The following DSC3 variants were observed in gnomAD, a reference collection of about 807,000 sequenced individuals.
The protein encoded by DSC3 is desmocollin-3.
A neutral mutation model predicts 89.5 loss-of-function variants in DSC3; 97 were observed. The observed-to-expected ratio is 1.08, with a 90% CI of 0.92 to 1.28. DSC3 has a LOEUF of 1.28. DSC3 is among the 50% of genes most tolerant of loss of function. The pLI, the probability that DSC3 is intolerant of heterozygous loss-of-function variation, is 0.00. For missense variants in DSC3, 1,199 were observed against 1,085.3 expected (o/e 1.10, Z -1.47); for synonymous variants, 436 against 384.1 (o/e 1.14, Z -1.58).
intron 9 of DSC3, among the ~76,000 whole-genome samples, chr18:31,013,596 G>C (rs1417885499): frequency 6.6e-6 from 1 of 152,082 alleles, no homozygotes; most frequent in African/African-American, 2.4e-5. Context: ...TAGATAAGAA[G>C]AGCAAAACAT....
intron 15 of DSC3, among the ~76,000 whole-genome samples, chr18:30,995,183 C>G (rs1221734815): frequency 6.6e-6 from 1 of 152,186 alleles, no homozygotes; most frequent in Non-Finnish European, 1.5e-5. Flanking sequence ...CACCTGTGTG[C>G]CCACTCCTTG....
chr18:30,994,339 T>C lies in DSC3; in HGVS notation c.2527A>G (p.Met843Val), dbSNP rs756890093. 2 of 1,614,030 alleles carry C rather than the reference T, an allele frequency of 1.2e-6. No individual in the cohort carries two copies. Among genetic ancestry groups the C allele is most frequent in the East Asian group, 2.2e-5 (1 of 44,880 alleles). Residue 843 changes from methionine (M) to valine (V), a missense_variant, in exon 16 of 16, where the codon ATG (methionine) becomes GTG (valine). By Grantham distance (21) the Met-to-Val change is conservative (BLOSUM62 1). Transcript: ENST00000360428. ...LHRCNQNEDR[M>V]PSQDYVLTYN... Reference sequence around the variant, plus strand: ...GTGAGGACATAATCTTGGGATGGCATGCGGTCTTCATTCTGATTACATCGA... The same window carrying C: ...GTGAGGACATAATCTTGGGATGGCACGCGGTCTTCATTCTGATTACATCGA...
intron 1 of DSC3, among the ~76,000 whole-genome samples, chr18:31,036,377 C>CCT (rs1985968787): frequency 6.6e-6 from 1 of 152,082 alleles, no homozygotes; most frequent in Non-Finnish European, 1.5e-5. Flanking sequence ...CCTTTAATCA[C>CCT]TTATCTATTG....
chr18:31,007,930 T>TA, intron 11 of DSC3, 86 bp downstream of exon 11: 1 of 1,258,214 alleles, frequency 7.9e-7, no homozygotes, highest in Non-Finnish European at 1.1e-6. Context: ...TCCATACACT[T>TA]ACCACCAAAA....
At chr18:31,041,726 G>T (rs1291417166) in intron 1 of DSC3, among the ~76,000 whole-genome samples, 1 of 152,200 alleles carries the variant, frequency 6.6e-6, no homozygotes, top group African/African-American at 2.4e-5. Flanking sequence ...TGTTCTCAGA[G>T]CATCGTCTCT....
chr18:31,007,993 C>A, intron 11 of DSC3, 23 bp downstream of exon 11: 1 of 1,586,810 alleles, frequency 6.3e-7, no homozygotes, highest in Non-Finnish European at 8.6e-7. Context: ...TTATAGAATA[C>A]CAGATTAAAA....
chr18:31,033,959 G>A (rs1032396260), intron 1 of DSC3, among the ~76,000 whole-genome samples: 8 of 152,128 alleles, frequency 5.3e-5, no homozygotes, highest in Non-Finnish European at 1.2e-4. Context: ...GAGTAGCTGG[G>A]ACTACAGGTG....
chr18:31,018,006 T>C, intron 9 of DSC3, 65 bp downstream of exon 9: 1 of 1,379,574 alleles, frequency 7.2e-7, no homozygotes, highest in Non-Finnish European at 1.0e-6. Flanking sequence ...ACTATTTAGT[T>C]GATTAAATTA....
At position 30,994,195 on chromosome 18, in the gene DSC3, C is replaced by T; in HGVS notation, c.2671G>A (p.Glu891Lys). Residue 891 changes from glutamate to lysine, a missense_variant, in exon 16 of 16, where the codon GAA (glutamate) becomes AAA (lysine). Coordinates refer to ENST00000360428, the MANE Select transcript of DSC3 (RefSeq NM_001941.5). ...TGACATTATCTCTTTGTGCATGCTT[C>T]TGCTAATGTAATAAATTTGGGTTCC... Reference protein sequence around the residue: ...NLEPKFITLAEACTKR With the variant: ...NLEPKFITLAKACTKR 6.2e-7 allele frequency: 1 copy of T among 1,614,010 alleles called. No individual in the cohort carries two copies. Among genetic ancestry groups the T allele is most frequent in the Non-Finnish European group, 8.5e-7 (1 of 1,179,954 alleles).
At position 31,026,094 on chromosome 18, in the gene DSC3, G is replaced by A. The variant is rs114228630; in HGVS notation, c.475-179C>T. Among the ~76,000 whole-genome samples, 1,452 of 152,174 alleles carry A rather than the reference G, an allele frequency of 9.5e-3. 28 individuals are homozygous for A. Among genetic ancestry groups the A allele is most frequent in the African/African-American group, 0.033 (1,385 of 41,550 alleles). Reference sequence around the variant, plus strand: ...CAAACAGGGATTCTCACAGGAAGAAGGGAATCCCAATTGGAATGTACCCTA... The same window carrying A: ...CAAACAGGGATTCTCACAGGAAGAAAGGAATCCCAATTGGAATGTACCCTA... On this transcript the variant is annotated intron_variant, in intron 4 of 15. Coordinates refer to ENST00000360428, the MANE Select transcript of DSC3 (RefSeq NM_001941.5).
At chr18:31,015,018 A>T (rs1985188534) in intron 9 of DSC3, among the ~76,000 whole-genome samples, 1 of 152,132 alleles carries the variant, frequency 6.6e-6, no homozygotes, top group Non-Finnish European at 1.5e-5. Flanking sequence ...AACTTATGTA[A>T]AGTGCCTAGC....
Position 30,993,860 on chromosome 18 carries a change from C to T in DSC3, c.*315G>A. On this transcript the variant is annotated 3_prime_UTR_variant, in exon 16 of 16. Coordinates refer to ENST00000360428, the MANE Select transcript of DSC3 (RefSeq NM_001941.5). ...ACATAATAATGTGATATTAGCATAA[C>T]TTAGCTATTGTTGGACTAATATTTA... 3.9e-6 allele frequency: 1 copy of T among 255,100 alleles called. No homozygotes were observed. The highest frequency in any genetic ancestry group is 7.7e-6 in the Non-Finnish European group (1 of 129,668). The allele number at this position is 255,100 out of a possible 1,614,324, so 15.8% of individuals were successfully genotyped here.
chr18:31,005,918 G>A (rs1984822236), intron 12 of DSC3, among the ~76,000 whole-genome samples: 1 of 152,072 alleles, frequency 6.6e-6, no homozygotes, highest in Non-Finnish European at 1.5e-5. Flanking sequence ...ATCTGGACGA[G>A]TGCTTAATAG....
chr18:31,023,334 A>G (rs558173696), intron 6 of DSC3, among the ~76,000 whole-genome samples: 2 of 152,292 alleles, frequency 1.3e-5, no homozygotes, highest in East Asian at 3.9e-4. Context: ...GAGTTTCCAC[A>G]GTGAGTTAGT....
Position 31,031,050 on chromosome 18 carries a change from A to ATCTTT in DSC3, c.272_276dup (p.Ser93LysfsTer23), listed in dbSNP as rs762982375. 6.2e-7 allele frequency: 1 copy of ATCTTT among 1,614,054 alleles called. No individual in the cohort carries two copies. The highest frequency in any genetic ancestry group is 8.5e-7 in the Non-Finnish European group (1 of 1,179,968). ...TTGTCAGAAAGCCATATGGTAAATGATCTTTTCTTATCAGACAGCGCAACA... is the reference window on the plus strand; with the variant it reads ...TTGTCAGAAAGCCATATGGTAAATGATCTTTTCTTTTCTTATCAGACAGCGCAACA... On this transcript the variant is annotated frameshift_variant, in exon 3 of 16. Transcript: ENST00000360428. LOFTEE classifies it high-confidence loss of function.
At chr18:31,028,816 T>C (rs1347499234) in intron 4 of DSC3, among the ~76,000 whole-genome samples, 1 of 152,086 alleles carries the variant, frequency 6.6e-6, no homozygotes, top group Non-Finnish European at 1.5e-5. Context: ...AAGATAAAGT[T>C]AAACTTACTA....
At chr18:31,024,147 T>C (rs1179817952) in intron 6 of DSC3, among the ~76,000 whole-genome samples, 1 of 152,140 alleles carries the variant, frequency 6.6e-6, no homozygotes, top group Non-Finnish European at 1.5e-5. Context: ...AGTATCATAT[T>C]GACAATGACA....
chr18:31,023,918 TA>T (rs946423901), intron 6 of DSC3, among the ~76,000 whole-genome samples: 51 of 151,778 alleles, frequency 3.4e-4, no homozygotes, highest in African/African-American at 1.1e-3. Flanking sequence ...AATAGGAGCA[TA>T]AAAAAAACTG....
Position 31,037,869 on chromosome 18 carries a change from G to T in DSC3, c.69+4723C>A, listed in dbSNP as rs577089393. ...GAGCCAACCTCCAGCCTGCACTCCAGCCTGGGGAACAGAGCAAAACTCCAT... is the reference window on the plus strand; with the variant it reads ...GAGCCAACCTCCAGCCTGCACTCCATCCTGGGGAACAGAGCAAAACTCCAT... On this transcript the variant is annotated intron_variant, in intron 1 of 15. Transcript: ENST00000360428. 1.3e-4 allele frequency among the ~76,000 whole-genome samples: 20 copies of T among 151,952 alleles called. No homozygotes were observed. The South Asian group carries it at 4.1e-3, about 32-fold the overall frequency.
Sources: allele counts gnomAD v4.1 joint callset (sites outside exome capture counted in the v4.1 genomes callset), GRCh38; gene constraint gnomAD v4.1.1; transcripts MANE v1.5; gene names NCBI Gene and HGNC (gene_info 2026-07-23, HGNC 2026-07-21).